The following PPP1R1C variants were observed in gnomAD, a reference collection of about 807,000 sequenced individuals.
PPP1R1C encodes protein phosphatase 1 regulatory inhibitor subunit 1C.
Under a neutral mutation model 17.4 loss-of-function variants are expected in PPP1R1C, and 15 were observed. The observed-to-expected ratio is 0.86, with a 90% CI of 0.58 to 1.33. The LOEUF (loss-of-function observed/expected upper bound fraction) is 1.33. PPP1R1C is among the 40% of genes most tolerant of loss of function. The pLI is 0.00. For synonymous variants in PPP1R1C, 35 were observed against 43.1 expected (o/e 0.81, Z 0.73); for missense variants, 143 against 130.0 (o/e 1.10, Z -0.48).
intron 2 of PPP1R1C, among the ~76,000 whole-genome samples, chr2:182,045,939 C>G (rs1430005945): frequency 2.0e-5 from 3 of 151,930 alleles, no homozygotes; most frequent in African/African-American, 4.8e-5. Context: ...TTTTATTTTA[C>G]CTTTTACTGT....
chr2:182,054,113 T>A (rs1687612366), intron 2 of PPP1R1C, among the ~76,000 whole-genome samples: 1 of 152,226 alleles, frequency 6.6e-6, no homozygotes, highest in Non-Finnish European at 1.5e-5. Context: ...ACATTTTTGA[T>A]GTATTAATTT....
At chr2:181,998,495 C>A (rs1685677199) in intron 2 of PPP1R1C, among the ~76,000 whole-genome samples, 1 of 152,208 alleles carries the variant, frequency 6.6e-6, no homozygotes, top group Non-Finnish European at 1.5e-5. Flanking sequence ...ACACATCATT[C>A]TCATTCCTTC....
chr2:182,119,354 C>T (rs913806620), downstream of PPP1R1C, among the ~76,000 whole-genome samples: 12 of 151,898 alleles, frequency 7.9e-5, no homozygotes, highest in East Asian at 1.7e-3. Flanking sequence ...TGAATAGTGC[C>T]GCAATAAACA....
In PPP1R1C at chr2:182,117,208, G is replaced by C; in HGVS notation, c.243G>C (p.Gly81=). The C allele has an allele frequency of 6.5e-7, 1 of 1,540,680 alleles. No individual in the cohort carries two copies. Among genetic ancestry groups the C allele is most frequent in the Non-Finnish European group, 8.8e-7 (1 of 1,138,120 alleles). Reference sequence around the variant, plus strand: ...TTTGCATAATTTTTATAATTTCAGGGGTTAAGCATCTGAAAGGCCAGAATG... The same window carrying C: ...TTTGCATAATTTTTATAATTTCAGGCGTTAAGCATCTGAAAGGCCAGAATG... The part of the protein sequence containing the change: ...QSVYTPPTIK[G]VKHLKGQNES... The change falls in exon 5 of 5, where the codon GGG becomes GGC. Residue 81 remains glycine (G), a splice_region_variant and synonymous_variant. Transcript: ENST00000682840.
intron 4 of PPP1R1C, among the ~76,000 whole-genome samples, chr2:182,075,490 A>G (rs1355465870): frequency 6.6e-6 from 1 of 152,176 alleles, no homozygotes; most frequent in African/African-American, 2.4e-5. Context: ...GAACCAATGA[A>G]AAGGAAGTAG....
At chr2:182,120,303 T>C (rs1217696398), downstream of PPP1R1C, among the ~76,000 whole-genome samples, 1 of 152,200 alleles carries the variant, frequency 6.6e-6, no homozygotes, top group Non-Finnish European at 1.5e-5. Flanking sequence ...TTTTGGTTAC[T>C]GTAGCCTTGT....
intron 1 of PPP1R1C, among the ~76,000 whole-genome samples, chr2:181,969,041 G>A (rs1342134887): frequency 6.6e-6 from 1 of 151,948 alleles, no homozygotes; most frequent in African/African-American, 2.4e-5. Flanking sequence ...ATTTCTATTT[G>A]TGTCTTATTG....
intron 2 of PPP1R1C, among the ~76,000 whole-genome samples, chr2:182,021,319 CTCTTTTTT>C (rs1158463981): frequency 3.8e-5 from 2 of 52,852 alleles, no homozygotes; most frequent in Non-Finnish European, 8.7e-5. Context: ...TTCTCTCTCT[CTCTTTTTT>C]TTTTTTTTTT....
At chr2:181,990,522 A>G (rs1282138553) in intron 2 of PPP1R1C, among the ~76,000 whole-genome samples, 2 of 152,148 alleles carry the variant, frequency 1.3e-5, no homozygotes, top group African/African-American at 4.8e-5. Context: ...AGTAATGATC[A>G]AAAGAGTTAC....
At chr2:182,102,050 T>C (rs1209447650) in intron 4 of PPP1R1C, among the ~76,000 whole-genome samples, 5 of 152,196 alleles carry the variant, frequency 3.3e-5, no homozygotes, top group Admixed American at 3.3e-4. Flanking sequence ...ATTGTGAATA[T>C]TTTCATTTGA....
rs3063151 is a variant in PPP1R1C, at chr2:182,117,692, AGTGTGT to A, written c.*413_*418del. On this transcript the variant is annotated 3_prime_UTR_variant, in exon 5 of 5. Coordinates refer to ENST00000682840, the MANE Select transcript of PPP1R1C (RefSeq NM_001080545.3). ...TAAATAGTAAACACATTTAGACATG[AGTGTGT>A]GTGTGTGTGTGTGTGGGTTTAGCTT... The A allele has an allele frequency of 0.24, 36,919 of 153,424 alleles. 4,940 individuals carry two copies. The highest frequency in any genetic ancestry group is 0.37 in the African/African-American group (15,203 of 41,174). 9.5% of individuals were successfully genotyped at this position (153,424 alleles called of 1,614,324 possible).
chr2:181,986,173 A>C lies in PPP1R1C; in HGVS notation c.63A>C (p.Ala21=), dbSNP rs1685291931. The change falls in exon 1 of 5, where the codon GCA becomes GCC. Residue 21 remains alanine, a synonymous_variant. Transcript: ENST00000682840. ...TGCCTGTATTCCAGAGTCAGATTGC[A>C]CCTGAAGCAGCAGAGCAGGTATGTG... The part of the protein sequence containing the change: ...FAVPVFQSQI[A]PEAAEQIRKR... 1 of 1,613,572 alleles carries C rather than the reference A, an allele frequency of 6.2e-7. No individual in the cohort carries two copies. The highest frequency in any genetic ancestry group is 2.2e-5 in the East Asian group (1 of 44,878).
At chr2:181,998,420 G>A (rs1360660832) in intron 2 of PPP1R1C, among the ~76,000 whole-genome samples, 1 of 152,190 alleles carries the variant, frequency 6.6e-6, no homozygotes, top group African/African-American at 2.4e-5. Context: ...GCCCTAGCTT[G>A]TAATTAGTTA....
At chr2:182,121,866 G>A (rs1689741585), downstream of PPP1R1C, among the ~76,000 whole-genome samples, 1 of 152,066 alleles carries the variant, frequency 6.6e-6, no homozygotes, top group Non-Finnish European at 1.5e-5. Flanking sequence ...GTTCTTCTAT[G>A]TGTTAAACTC....
At chr2:182,122,561 T>G (rs1299513114), downstream of PPP1R1C, among the ~76,000 whole-genome samples, 1 of 152,140 alleles carries the variant, frequency 6.6e-6, no homozygotes, top group Non-Finnish European at 1.5e-5. Flanking sequence ...TTTGTTTTTT[T>G]GAGGAAATGA....
rs935119295 is a variant in PPP1R1C at position 181,961,829 on chromosome 2, C to T, written n.111+7195C>T. 40 of 1,045,146 alleles carry T rather than the reference C, an allele frequency of 3.8e-5. No individual in the cohort carries two copies. The African/African-American group carries it at 5.1e-4, about 13-fold the overall frequency. The allele number at this position is 1,045,146 out of a possible 1,614,324, so 64.7% of individuals were successfully genotyped here. ...GCTTGTAGGCCTTTTACTTCCTCTT[C>T]GTGGTTCTTCTTCATGAAGAGCAGC... On this transcript the variant is annotated intron_variant and non_coding_transcript_variant, in intron 1 of 5. Coordinates refer to the PPP1R1C transcript ENST00000464264. This position sits in a 1 kb window ranked among gnomAD's most constrained non-coding sequence, Gnocchi z 5.8.
chr2:181,982,425 T>C (rs959189068), upstream of PPP1R1C, among the ~76,000 whole-genome samples: 2 of 152,234 alleles, frequency 1.3e-5, no homozygotes, highest in Non-Finnish European at 2.9e-5. Context: ...ACTTATTTAG[T>C]AACTACTAGA....
At chr2:182,045,895 A>G (rs886675080) in intron 2 of PPP1R1C, among the ~76,000 whole-genome samples, 2 of 152,182 alleles carry the variant, frequency 1.3e-5, no homozygotes, top group Non-Finnish European at 2.9e-5. Flanking sequence ...ATATCCAATC[A>G]TATTTGTCTT....
chr2:182,124,327 G>GT (rs1294464668), intron 5 of PPP1R1C, among the ~76,000 whole-genome samples: 63 of 82,982 alleles, frequency 7.6e-4, no homozygotes, highest in Middle Eastern at 0.011. Context: ...TTTTTTTTTT[G>GT]TTTTTTTTTT....
Sources: allele counts gnomAD v4.1 joint callset (sites outside exome capture counted in the v4.1 genomes callset), GRCh38; gene constraint gnomAD v4.1.1; non-coding constraint Gnocchi (gnomAD v3.1); transcripts MANE v1.5; gene names NCBI Gene and HGNC (gene_info 2026-07-23, HGNC 2026-07-21).